The following RAB10 variants were observed in gnomAD, a reference collection of about 807,000 sequenced individuals.
RAB10 encodes the protein ras-related protein Rab-10.
Under a neutral mutation model 25.7 loss-of-function variants are expected in RAB10, and 5 were observed. The ratio of observed to expected loss-of-function variants is 0.19; its 90% confidence interval spans 0.10 to 0.41. RAB10 has a LOEUF of 0.41. Ranked by LOEUF, RAB10 falls within the 10% of genes least tolerant of loss-of-function variation. The pLI is 1.00. For missense variants in RAB10, 103 were observed against 245.8 expected, an observed-to-expected ratio of 0.42 and a Z score of 3.89; for synonymous variants, 89 against 86.4, an observed-to-expected ratio of 1.03 and a Z score of -0.16.
chr2:26,079,604 A>G (rs1377122594), intron 1 of RAB10, among the ~76,000 whole-genome samples: 1 of 147,168 alleles, frequency 6.8e-6, no homozygotes, highest in African/African-American at 2.5e-5. Context: ...TAATGCCCAG[A>G]TCTTGGACTA....
chr2:26,068,251 C>G (rs1254811164), intron 1 of RAB10, among the ~76,000 whole-genome samples: 2 of 152,000 alleles, frequency 1.3e-5, no homozygotes, highest in Admixed American at 6.6e-5. Flanking sequence ...ACTTGTGAGG[C>G]TAGCAGAAGC....
intron 1 of RAB10, among the ~76,000 whole-genome samples, chr2:26,041,968 C>G (rs1665899313): frequency 6.6e-6 from 1 of 152,128 alleles, no homozygotes; most frequent in African/African-American, 2.4e-5. Context: ...AAGAGAGTTA[C>G]TGCTTTTGGA....
intron 5 of RAB10, among the ~76,000 whole-genome samples, chr2:26,129,832 A>T (rs184218184): frequency 3.3e-5 from 5 of 152,328 alleles, no homozygotes; most frequent in Non-Finnish European, 5.9e-5. Context: ...ATTTCAGAGA[A>T]TGAGAGAGGC....
intron 1 of RAB10, among the ~76,000 whole-genome samples, chr2:26,064,882 C>T (rs1257701491): frequency 1.3e-5 from 2 of 152,030 alleles, no homozygotes; most frequent in Non-Finnish European, 2.9e-5. Flanking sequence ...CTCCTGTCTC[C>T]ACACATGTGC....
At chr2:26,113,553 G>A (rs746110140) in intron 3 of RAB10, among the ~76,000 whole-genome samples, 40 of 134,572 alleles carry the variant, frequency 3.0e-4, no homozygotes, top group South Asian at 5.0e-4. Flanking sequence ...CAGCCTGGGC[G>A]ACAGAGCAAG....
intron 1 of RAB10, among the ~76,000 whole-genome samples, chr2:26,082,671 A>G (rs1198872860): frequency 6.6e-6 from 1 of 152,194 alleles, no homozygotes; most frequent in Non-Finnish European, 1.5e-5. Context: ...CTGGTGATTT[A>G]TATCAAATGT....
chr2:26,098,832 AGCAG>A, intron 2 of RAB10, 110 bp downstream of exon 2: 1 of 910,732 alleles, frequency 1.1e-6, no homozygotes, highest in African/African-American at 1.7e-5. Flanking sequence ...TTGTTTTTAA[AGCAG>A]GCAGTCAGGT....
intron 1 of RAB10, among the ~76,000 whole-genome samples, chr2:26,088,393 A>G (rs1397271039): frequency 6.6e-6 from 1 of 152,210 alleles, no homozygotes; most frequent in Non-Finnish European, 1.5e-5. Context: ...GTTTTTACAT[A>G]AGCAAAACCA....
intron 2 of RAB10, among the ~76,000 whole-genome samples, chr2:26,103,591 T>A (rs1309996770): frequency 6.6e-6 from 1 of 152,220 alleles, no homozygotes; most frequent in Non-Finnish European, 1.5e-5. Context: ...TTATAATGAC[T>A]TTTTTATACA....
chr2:26,054,116 CG>C (rs1198413014), intron 1 of RAB10, among the ~76,000 whole-genome samples: 6 of 145,254 alleles, frequency 4.1e-5, no homozygotes, highest in Non-Finnish European at 1.5e-5. Flanking sequence ...GGCGTGATCT[CG>C]GCTCACTGCA....
intron 5 of RAB10, among the ~76,000 whole-genome samples, chr2:26,134,297 T>C (rs1208244847): frequency 6.6e-6 from 1 of 152,068 alleles, no homozygotes; most frequent in African/African-American, 2.4e-5. Context: ...TTAAATTTTT[T>C]ATACAGATGG....
chr2:26,049,164 G>T (rs979604864), intron 1 of RAB10, among the ~76,000 whole-genome samples: 1 of 149,956 alleles, frequency 6.7e-6, no homozygotes, highest in Non-Finnish European at 1.5e-5. Flanking sequence ...TGTATATGGT[G>T]GGGGGTTTAG....
chr2:26,093,586 C>G (rs997339204), intron 1 of RAB10, among the ~76,000 whole-genome samples: 1 of 151,998 alleles, frequency 6.6e-6, no homozygotes. Context: ...GTGTTTGTTC[C>G]ACAGGAGCAA....
intron 2 of RAB10, among the ~76,000 whole-genome samples, chr2:26,103,286 T>C (rs1006633762): frequency 1.3e-5 from 2 of 152,228 alleles, no homozygotes; most frequent in African/African-American, 4.8e-5. Context: ...ACATGCTAAG[T>C]GCATTTAAGA....
At chr2:26,057,496 G>A (rs975935690) in intron 1 of RAB10, among the ~76,000 whole-genome samples, 47 of 151,980 alleles carry the variant, frequency 3.1e-4, no homozygotes, top group African/African-American at 1.0e-3. Flanking sequence ...GGTGTAGACA[G>A]GATAGGAATC....
intron 2 of RAB10, among the ~76,000 whole-genome samples, chr2:26,107,944 T>C (rs1667500102): frequency 6.6e-6 from 1 of 151,424 alleles, no homozygotes; most frequent in South Asian, 2.1e-4. Context: ...GAAATACAGA[T>C]TAATGTGATG....
In RAB10 at chr2:26,099,058, C is replaced by T. The variant is rs145399415; in HGVS notation, c.188+336C>T. On this transcript the variant is annotated intron_variant, in intron 2 of 5. Transcript: ENST00000264710. The stretch of plus-strand genomic sequence containing the variant: ...GCAAAGTTTTTAGTGAAATGCATTG[C>T]GAAAATGTTTGTTTTCTTTAATATG... Among the ~76,000 whole-genome samples the T allele has an allele frequency of 2.7e-3, 413 of 152,096 alleles. 3 individuals are homozygous for T. Among genetic ancestry groups the T allele is most frequent in the Non-Finnish European group, 4.8e-3 (328 of 67,988 alleles).
chr2:26,117,431 G>A (rs546404560), intron 3 of RAB10, among the ~76,000 whole-genome samples: 2 of 152,076 alleles, frequency 1.3e-5, no homozygotes, highest in South Asian at 4.1e-4. Context: ...GGCTAACACG[G>A]TGAAACCCCG....
At position 26,061,846 on chromosome 2, in the gene RAB10, T is replaced by G. The variant is rs569924987; in HGVS notation, c.127+27111T>G. Among the ~76,000 whole-genome samples, 631 of 138,942 alleles carry G rather than the reference T, an allele frequency of 4.5e-3. 2 individuals are homozygous for G. Among genetic ancestry groups the G allele is most frequent in the Non-Finnish European group, 6.9e-3 (451 of 65,788 alleles). The allele number at this position is 138,942 out of a possible 152,430, so 91.2% of individuals were successfully genotyped here. The stretch of plus-strand genomic sequence containing the variant: ...ATTTCGGGTCACTGCAGCCTTGACC[T>G]CCTGGGCTCAAGTGCTCCTCCTGCC... On this transcript the variant is annotated intron_variant, in intron 1 of 5. Transcript: ENST00000264710.
Sources: gnomAD v4.1 joint callset for allele counts (sites outside exome capture counted in the v4.1 genomes callset) on GRCh38, gnomAD v4.1.1 for gene constraint, MANE v1.5 for transcripts, NCBI Gene and HGNC (gene_info 2026-07-23, HGNC 2026-07-21) for gene names.